DKK2: variants seen among roughly 807,000 people sequenced by gnomAD.
The protein encoded by DKK2 is dickkopf-related protein 2.
In DKK2, 11 loss-of-function variants were observed where a neutral mutation model predicts 28.1. The ratio of observed to expected loss-of-function variants is 0.39; its 90% CI spans 0.25 to 0.65. The LOEUF (loss-of-function observed/expected upper bound fraction) is 0.65, where lower values mean the gene tolerates loss of function less well. DKK2 is among the 30% of genes least tolerant of loss of function. DKK2 has a pLI of 0.47. For synonymous variants in DKK2, 135 were observed against 126.5 expected, an observed-to-expected ratio of 1.07 and a Z score of -0.45; for missense variants, 326 against 335.5, an observed-to-expected ratio of 0.97 and a Z score of 0.22.
chr4:106,942,786 A>T (rs1405781645), intron 1 of DKK2, among the ~76,000 whole-genome samples: 1 of 151,962 alleles, frequency 6.6e-6, no homozygotes, highest in Non-Finnish European at 1.5e-5. Flanking sequence ...TTTTTCCCTC[A>T]CATTGAACAG....
At chr4:107,012,034 T>C (rs1394411347) in intron 1 of DKK2, among the ~76,000 whole-genome samples, 1 of 151,302 alleles carries the variant, frequency 6.6e-6, no homozygotes, top group Non-Finnish European at 1.5e-5. Context: ...CCATTACCTT[T>C]ATAACAGGAA....
intron 1 of DKK2, among the ~76,000 whole-genome samples, chr4:106,929,811 C>G (rs1163767775): frequency 6.6e-6 from 1 of 152,050 alleles, no homozygotes; most frequent in Admixed American, 6.6e-5. Flanking sequence ...AAAATTTTAG[C>G]AGTAAAGTAA....
chr4:106,972,961 C>G (rs1056161439), intron 1 of DKK2, among the ~76,000 whole-genome samples: 5 of 152,072 alleles, frequency 3.3e-5, no homozygotes, highest in Non-Finnish European at 7.4e-5. Context: ...CATTGTTCCA[C>G]TCCTACTTAT....
intron 1 of DKK2, among the ~76,000 whole-genome samples, chr4:106,930,167 A>G (rs1381655332): frequency 6.6e-6 from 1 of 152,214 alleles, no homozygotes; most frequent in Non-Finnish European, 1.5e-5. Flanking sequence ...CTGTTCATTT[A>G]AACTCAATGT....
intron 1 of DKK2, among the ~76,000 whole-genome samples, chr4:106,940,249 A>C (rs556678482): frequency 1.7e-4 from 26 of 152,344 alleles, no homozygotes; most frequent in East Asian, 1.5e-3. Flanking sequence ...CAATGAACTC[A>C]AACAAATTTA....
chr4:106,965,116 C>A (rs891660613), intron 1 of DKK2, among the ~76,000 whole-genome samples: 13 of 152,062 alleles, frequency 8.5e-5, no homozygotes, highest in African/African-American at 3.1e-4. Context: ...ATATATTTAT[C>A]TTTGTCTTTC....
chr4:107,024,519 T>C (rs1560594312), intron 1 of DKK2, among the ~76,000 whole-genome samples: 3 of 152,176 alleles, frequency 2.0e-5, no homozygotes. Flanking sequence ...TAAAAAGTAA[T>C]CCATCAAAAC....
intron 1 of DKK2, among the ~76,000 whole-genome samples, chr4:106,986,831 T>C (rs1723127600): frequency 6.6e-6 from 1 of 152,240 alleles, no homozygotes; most frequent in Non-Finnish European, 1.5e-5. Flanking sequence ...TAGGGGGATT[T>C]ATATCACAGA....
At chr4:106,985,369 T>A (rs1216290398) in intron 1 of DKK2, among the ~76,000 whole-genome samples, 1 of 152,128 alleles carries the variant, frequency 6.6e-6, no homozygotes. Context: ...TGTATTAGTG[T>A]CAGTATCCTG....
chr4:107,015,029 T>C lies in DKK2; in HGVS notation c.222+20341A>G, dbSNP rs1560592222. ...CTTTTGACATGACAAGCAGTGGTTC[T>C]ATGGTCCATTTTAAACATATCTTCT... On this transcript the variant is annotated intron_variant, in intron 1 of 3. Coordinates refer to ENST00000285311, the MANE Select transcript of DKK2 (RefSeq NM_014421.3). 3.3e-5 allele frequency among the ~76,000 whole-genome samples: 5 copies of C among 151,722 alleles called. No homozygotes were observed. In the South Asian group the frequency reaches 6.2e-4, roughly 19 times the overall value.
intron 1 of DKK2, 96 bp downstream of exon 1, chr4:107,035,274 G>A (rs947492148): frequency 2.1e-6 from 3 of 1,400,780 alleles, no homozygotes; most frequent in Non-Finnish European, 3.0e-6. Flanking sequence ...CTGGGGCCAC[G>A]CTCCGAATGT....
At chr4:106,941,407 C>CAT (rs1261449533) in intron 1 of DKK2, among the ~76,000 whole-genome samples, 1 of 152,130 alleles carries the variant, frequency 6.6e-6, no homozygotes, top group Non-Finnish European at 1.5e-5. Flanking sequence ...GAAGTTATCT[C>CAT]ATATAATCAG....
chr4:106,996,761 G>A (rs1012670713), intron 1 of DKK2, among the ~76,000 whole-genome samples: 2 of 152,186 alleles, frequency 1.3e-5, no homozygotes, highest in East Asian at 1.9e-4. Flanking sequence ...TCTGAAAAAC[G>A]TCTGCCTGAC....
chr4:107,028,174 T>C (rs889734964), intron 1 of DKK2, among the ~76,000 whole-genome samples: 15 of 148,900 alleles, frequency 1.0e-4, no homozygotes, highest in Admixed American at 3.4e-4. Context: ...TATCCTCTCT[T>C]AATGTAAACA....
chr4:106,996,855 A>C (rs1723279030), intron 1 of DKK2, among the ~76,000 whole-genome samples: 1 of 152,208 alleles, frequency 6.6e-6, no homozygotes, highest in Non-Finnish European at 1.5e-5. Flanking sequence ...TTACTATGTT[A>C]AAAATAAATC....
intron 1 of DKK2, among the ~76,000 whole-genome samples, chr4:106,963,665 A>G (rs1376429315): frequency 6.6e-6 from 1 of 152,160 alleles, no homozygotes; most frequent in Non-Finnish European, 1.5e-5. Context: ...TGATCCAGTA[A>G]TCCCACTGCT....
At chr4:107,028,721 G>A (rs911067040) in intron 1 of DKK2, among the ~76,000 whole-genome samples, 1 of 152,102 alleles carries the variant, frequency 6.6e-6, no homozygotes, top group African/African-American at 2.4e-5. Flanking sequence ...CAAAGGTAAG[G>A]AAAAAGCAAA....
intron 1 of DKK2, among the ~76,000 whole-genome samples, chr4:106,928,049 G>A (rs1237347006): frequency 2.0e-5 from 3 of 152,006 alleles, no homozygotes; most frequent in Non-Finnish European, 4.4e-5. Flanking sequence ...TTATTTTCTG[G>A]TTGTTTGGTA....
At chr4:106,992,160 C>T (rs557027589) in intron 1 of DKK2, among the ~76,000 whole-genome samples, 2 of 152,248 alleles carry the variant, frequency 1.3e-5, no homozygotes, top group East Asian at 1.9e-4. Context: ...CAGTAACATA[C>T]GTGTTGCTAG....
Sources: gnomAD v4.1 joint callset for allele counts (sites outside exome capture counted in the v4.1 genomes callset) on GRCh38, gnomAD v4.1.1 for gene constraint, MANE v1.5 for transcripts, NCBI Gene and HGNC (gene_info 2026-07-23, HGNC 2026-07-21) for gene names.